ADAMTSL3: variants seen among roughly 807,000 people sequenced by gnomAD.
The protein encoded by ADAMTSL3 is ADAMTS-like protein 3.
ADAMTSL3 carries 128 observed loss-of-function variants against 201.7 expected under a neutral mutation model. The ratio of observed to expected loss-of-function variants is 0.63; its 90% CI spans 0.55 to 0.73. The LOEUF is 0.73. Ranked by LOEUF, ADAMTSL3 falls within the 30% of genes least tolerant of loss-of-function variation. The pLI, the probability that ADAMTSL3 is intolerant of heterozygous loss-of-function variation, is 0.00. For missense variants in ADAMTSL3, 1,990 were observed against 2,119.6 expected (o/e 0.94, Z 1.20); for synonymous variants, 738 against 748.4 (o/e 0.99, Z 0.23).
intron 20 of ADAMTSL3, among the ~76,000 whole-genome samples, chr15:83,976,452 T>A (rs2067290367): frequency 6.6e-6 from 1 of 152,110 alleles, no homozygotes; most frequent in Non-Finnish European, 1.5e-5. Context: ...TCTAGCACAT[T>A]AAATGTATTG....
intron 3 of ADAMTSL3, among the ~76,000 whole-genome samples, chr15:83,766,371 T>C (rs150270393): frequency 6.6e-6 from 1 of 152,206 alleles, no homozygotes; most frequent in Non-Finnish European, 1.5e-5. Flanking sequence ...AACGAATGCA[T>C]GTGAGTTCAT....
At chr15:83,742,291 A>C (rs2062469095) in intron 3 of ADAMTSL3, among the ~76,000 whole-genome samples, 1 of 152,174 alleles carries the variant, frequency 6.6e-6, no homozygotes, top group African/African-American at 2.4e-5. Flanking sequence ...GAAAACCATG[A>C]AAATGAAAAA....
intron 4 of ADAMTSL3, among the ~76,000 whole-genome samples, chr15:83,786,787 A>C (rs1305521937): frequency 6.6e-6 from 1 of 152,104 alleles, no homozygotes; most frequent in Non-Finnish European, 1.5e-5. Flanking sequence ...GACTGGTTAA[A>C]CTTTGGTCTT....
intron 14 of ADAMTSL3, among the ~76,000 whole-genome samples, chr15:83,898,356 G>T (rs2065658340): frequency 6.6e-6 from 1 of 152,030 alleles, no homozygotes. Context: ...AAAAGTAGAA[G>T]GAAGACAAGA....
chr15:83,860,033 T>G (rs2064822303), intron 8 of ADAMTSL3, among the ~76,000 whole-genome samples: 1 of 151,956 alleles, frequency 6.6e-6, no homozygotes, highest in Non-Finnish European at 1.5e-5. Flanking sequence ...CTAGGCATAG[T>G]GGCGCACGCC....
chr15:83,707,342 C>T (rs2061867503), intron 3 of ADAMTSL3, among the ~76,000 whole-genome samples: 1 of 152,116 alleles, frequency 6.6e-6, no homozygotes, highest in African/African-American at 2.4e-5. Flanking sequence ...ATGTTGTTTG[C>T]AAACACTCAA....
Position 83,988,725 on chromosome 15 carries a change from C to T in ADAMTSL3, c.3751C>T (p.Gln1251Ter). 6.2e-7 allele frequency: 1 copy of T among 1,608,262 alleles called. No homozygotes were observed. The highest frequency in any genetic ancestry group is 8.5e-7 in the Non-Finnish European group (1 of 1,176,720). ...ILDGTGKIQI[Q>*]NPTRKEQGIY... ...GGATGGAACTGGGAAGATACAGATA[C>T]AGAATCCTACAAGGAAAGAACAAGG... is the stretch of plus-strand genomic sequence containing the variant. Residue 1251 changes from glutamine (Q) to a stop codon, truncating the protein, a stop_gained, in exon 22 of 30, where the codon CAG becomes TAG. Transcript: ENST00000286744. LOFTEE classifies it high-confidence loss of function.
intron 2 of ADAMTSL3, among the ~76,000 whole-genome samples, chr15:83,684,458 G>A (rs1341872940): frequency 6.6e-6 from 1 of 152,084 alleles, no homozygotes; most frequent in Non-Finnish European, 1.5e-5. Context: ...CAGCCACTTG[G>A]GAGTCTGAGG....
Position 83,744,608 on chromosome 15 carries a change from A to G in ADAMTSL3, c.190-28915A>G, listed in dbSNP as rs74249877. ...TTATCATTGTTTTTATGGTGGGAACACTTAAAATCTCTTATCAATTTTCAA... is the reference window on the plus strand; with the variant it reads ...TTATCATTGTTTTTATGGTGGGAACGCTTAAAATCTCTTATCAATTTTCAA... On this transcript the variant is annotated intron_variant, in intron 3 of 29. Coordinates refer to ENST00000286744, the MANE Select transcript of ADAMTSL3 (RefSeq NM_207517.3). 6.6e-5 allele frequency among the ~76,000 whole-genome samples: 10 copies of G among 152,328 alleles called. No individual in the cohort carries two copies. In the East Asian group the frequency reaches 1.9e-3, roughly 29 times the overall value.
intron 3 of ADAMTSL3, among the ~76,000 whole-genome samples, chr15:83,726,213 A>G (rs1361950906): frequency 6.6e-6 from 1 of 152,124 alleles, no homozygotes; most frequent in Non-Finnish European, 1.5e-5. Context: ...CTATTGGCAT[A>G]TGGAAATGCT....
At chr15:83,705,589 G>C (rs80312348) in intron 3 of ADAMTSL3, among the ~76,000 whole-genome samples, 11,557 of 152,276 alleles carry the variant, frequency 0.076, 694 homozygotes, top group East Asian at 0.19. Context: ...AGGTGGGCTG[G>C]GAGAAGGATG....
intron 2 of ADAMTSL3, among the ~76,000 whole-genome samples, chr15:83,663,009 G>A (rs574210695): frequency 6.6e-6 from 1 of 152,306 alleles, no homozygotes; most frequent in Admixed American, 6.5e-5. Flanking sequence ...GCCACTTGCT[G>A]CCGGGGTCTT....
chr15:83,725,231 T>C (rs1208951045), intron 3 of ADAMTSL3, among the ~76,000 whole-genome samples: 1 of 151,064 alleles, frequency 6.6e-6, no homozygotes, highest in Non-Finnish European at 1.5e-5. Context: ...TGCTTGTCAT[T>C]TGGATAAAAG....
rs1348179093 is a variant in ADAMTSL3, at chr15:83,930,445, G to A, written c.2117+6412G>A. Among the ~76,000 whole-genome samples, 7 of 152,292 alleles carry A rather than the reference G, an allele frequency of 4.6e-5. No homozygotes were observed. The East Asian group carries it at 1.4e-3, about 29-fold the overall frequency. On this transcript the variant is annotated intron_variant, in intron 17 of 29. Transcript: ENST00000286744. ...TCCATTGCCCACCAAACCAGAACAAGATTTAGCAACAAATCTAGAAATTGT... is the reference window on the plus strand; with the variant it reads ...TCCATTGCCCACCAAACCAGAACAAAATTTAGCAACAAATCTAGAAATTGT...
intron 3 of ADAMTSL3, chr15:83,739,766 G>A: frequency 1.9e-6 from 1 of 519,534 alleles, no homozygotes; most frequent in Non-Finnish European, 3.7e-6. Context: ...GTGCCAAGGA[G>A]CCCTAGAAGT....
At chr15:83,733,367 C>T (rs1458774551) in intron 3 of ADAMTSL3, among the ~76,000 whole-genome samples, 1 of 152,162 alleles carries the variant, frequency 6.6e-6, no homozygotes, top group East Asian at 1.9e-4. Context: ...GAGGAAGGTT[C>T]TCTTCCTGGG....
intron 3 of ADAMTSL3, among the ~76,000 whole-genome samples, chr15:83,711,030 T>C (rs912289136): frequency 6.6e-6 from 1 of 152,230 alleles, no homozygotes; most frequent in Non-Finnish European, 1.5e-5. Flanking sequence ...ATAACAATAA[T>C]ATATTAATAA....
chr15:83,843,242 C>CCT (rs1217806163), intron 7 of ADAMTSL3, among the ~76,000 whole-genome samples: 1 of 99,020 alleles, frequency 1.0e-5, no homozygotes, highest in Non-Finnish European at 1.8e-5. Flanking sequence ...CCTAAAATGT[C>CCT]CTTTTTTTTA....
intron 4 of ADAMTSL3, among the ~76,000 whole-genome samples, chr15:83,793,776 A>G (rs2063380331): frequency 6.6e-6 from 1 of 152,074 alleles, no homozygotes; most frequent in Non-Finnish European, 1.5e-5. Context: ...TTGATTTTTA[A>G]AAGATATTTT....
Sources: gnomAD v4.1 joint callset for allele counts (sites outside exome capture counted in the v4.1 genomes callset) on GRCh38, gnomAD v4.1.1 for gene constraint, MANE v1.5 for transcripts, NCBI Gene and HGNC (gene_info 2026-07-23, HGNC 2026-07-21) for gene names.